The following C8orf34 variants were observed in gnomAD, a reference collection of about 807,000 sequenced individuals.
C8orf34 encodes uncharacterized protein C8orf34.
A neutral mutation model predicts 68.3 loss-of-function variants in C8orf34; 65 were observed. The ratio of observed to expected loss-of-function variants is 0.95; its 90% CI spans 0.78 to 1.17. The LOEUF (loss-of-function observed/expected upper bound fraction) is 1.17, where lower values mean the gene tolerates loss of function less well. C8orf34 is among the 50% of genes most tolerant of loss of function. C8orf34 has a pLI of 0.00. For missense variants in C8orf34, 664 were observed against 655.4 expected (o/e 1.01, Z -0.14); for synonymous variants, 244 against 241.2 (o/e 1.01, Z -0.11).
At chr8:68,460,730 G>A (rs1459276593) in intron 3 of C8orf34, among the ~76,000 whole-genome samples, 2 of 152,200 alleles carry the variant, frequency 1.3e-5, no homozygotes, top group East Asian at 1.9e-4. Context: ...GCAGCTGAGG[G>A]TCCTGTCTGT....
intron 1 of C8orf34, among the ~76,000 whole-genome samples, chr8:68,410,072 A>T (rs959924047): frequency 6.6e-6 from 1 of 152,206 alleles, no homozygotes; most frequent in Non-Finnish European, 1.5e-5. Flanking sequence ...CCAACAACAC[A>T]TTTCTCAGAA....
intron 5 of C8orf34, among the ~76,000 whole-genome samples, chr8:68,497,135 GA>G (rs1813558525): frequency 6.6e-6 from 1 of 152,116 alleles, no homozygotes. Flanking sequence ...ATCACAGACA[GA>G]ACTTAATATT....
At chr8:68,697,623 G>A (rs1013831492) in intron 8 of C8orf34, among the ~76,000 whole-genome samples, 3 of 152,008 alleles carry the variant, frequency 2.0e-5, no homozygotes, top group African/African-American at 7.2e-5. Context: ...TTCTCTTTGG[G>A]CCACCACAGG....
chr8:68,348,896 ATCATG>A (rs1806391704), intron 1 of C8orf34, among the ~76,000 whole-genome samples: 1 of 151,988 alleles, frequency 6.6e-6, no homozygotes, highest in Non-Finnish European at 1.5e-5. Context: ...TAGATATAGA[ATCATG>A]TCATCTGCAA....
intron 1 of C8orf34, among the ~76,000 whole-genome samples, chr8:68,383,557 A>C (rs986971101): frequency 1.3e-5 from 2 of 152,192 alleles, no homozygotes; most frequent in African/African-American, 4.8e-5. Context: ...TGTTTCTCTA[A>C]GGTTTCAGGT....
intron 10 of C8orf34, among the ~76,000 whole-genome samples, chr8:68,776,084 G>T (rs1297549461): frequency 6.6e-6 from 1 of 152,174 alleles, no homozygotes; most frequent in Admixed American, 6.5e-5. Flanking sequence ...GTTGATGGGT[G>T]CAGCAAACCA....
At chr8:68,402,633 AC>A (rs1020568806) in intron 1 of C8orf34, among the ~76,000 whole-genome samples, 38 of 152,206 alleles carry the variant, frequency 2.5e-4, no homozygotes, top group African/African-American at 7.5e-4. Context: ...AAAATTTTAA[AC>A]ATTTGTATCT....
At chr8:68,687,590 C>T (rs1417193258) in intron 8 of C8orf34, among the ~76,000 whole-genome samples, 1 of 151,898 alleles carries the variant, frequency 6.6e-6, no homozygotes, top group Non-Finnish European at 1.5e-5. Context: ...ATCCCCATCT[C>T]TCACCTTATA....
chr8:68,331,431 G>A, intron 1 of C8orf34, 92 bp downstream of exon 1: 1 of 1,367,498 alleles, frequency 7.3e-7, no homozygotes, highest in Non-Finnish European at 1.0e-6. Context: ...CCCCTCCCAG[G>A]GAAGGAGGGC....
At chr8:68,489,049 A>G (rs1293702136) in intron 5 of C8orf34, among the ~76,000 whole-genome samples, 2 of 152,180 alleles carry the variant, frequency 1.3e-5, no homozygotes, top group Non-Finnish European at 2.9e-5. Context: ...GTTTTAGGAA[A>G]AATACTTTTA....
chr8:68,502,169 G>T (rs909512185), intron 5 of C8orf34, among the ~76,000 whole-genome samples: 2 of 152,128 alleles, frequency 1.3e-5, no homozygotes, highest in African/African-American at 4.8e-5. Context: ...AGGTTCAAGC[G>T]ATTCTCCTGC....
At chr8:68,420,123 C>T (rs1353740810) in intron 1 of C8orf34, among the ~76,000 whole-genome samples, 1 of 151,022 alleles carries the variant, frequency 6.6e-6, no homozygotes, top group Non-Finnish European at 1.5e-5. Flanking sequence ...GCATTTGGGG[C>T]TACTTTTTCC....
chr8:68,417,641 A>G (rs1809734270), intron 1 of C8orf34, among the ~76,000 whole-genome samples: 1 of 152,186 alleles, frequency 6.6e-6, no homozygotes, highest in African/African-American at 2.4e-5. Flanking sequence ...TGGACTGGAA[A>G]CTTTGGACCA....
chr8:68,462,193 A>G (rs1175278239), intron 3 of C8orf34, among the ~76,000 whole-genome samples: 1 of 152,132 alleles, frequency 6.6e-6, no homozygotes, highest in Non-Finnish European at 1.5e-5. Flanking sequence ...AGAGACAAAG[A>G]AGGCCATTAC....
chr8:68,484,504 G>T (rs569080887), intron 4 of C8orf34, among the ~76,000 whole-genome samples: 1 of 151,918 alleles, frequency 6.6e-6, no homozygotes, highest in Non-Finnish European at 1.5e-5. Context: ...ACATATCTTC[G>T]CAACCCACTT....
chr8:68,796,312 A>G (rs539058044), intron 12 of C8orf34, among the ~76,000 whole-genome samples: 1 of 152,282 alleles, frequency 6.6e-6, no homozygotes, highest in Admixed American at 6.5e-5. Context: ...ATTGCTTTTC[A>G]GGAGCCCCTG....
At chr8:68,422,035 C>T (rs1221193155) in intron 1 of C8orf34, among the ~76,000 whole-genome samples, 8 of 152,176 alleles carry the variant, frequency 5.3e-5, no homozygotes, top group Non-Finnish European at 8.8e-5. Context: ...CCTGGTTCCA[C>T]CCTTGACACA....
chr8:68,521,209 T>C (rs1026166792), intron 5 of C8orf34, among the ~76,000 whole-genome samples: 1 of 152,216 alleles, frequency 6.6e-6, no homozygotes, highest in African/African-American at 2.4e-5. Context: ...TATTCAGTAT[T>C]CTACTACAAT....
chr8:68,793,192 A>C (rs918415320), intron 12 of C8orf34, among the ~76,000 whole-genome samples: 1 of 152,206 alleles, frequency 6.6e-6, no homozygotes, highest in African/African-American at 2.4e-5. Context: ...AAGAAAATCT[A>C]AAAAACAACA....
Sources: allele counts gnomAD v4.1 joint callset (sites outside exome capture counted in the v4.1 genomes callset), GRCh38; gene constraint gnomAD v4.1.1; transcripts MANE v1.5; gene names NCBI Gene and HGNC (gene_info 2026-07-23, HGNC 2026-07-21).